MGAT4C: variants seen among roughly 807,000 people sequenced by gnomAD.
MGAT4C encodes the protein alpha-1,3-mannosyl-glycoprotein 4-beta-N-acetylglucosaminyltransferase C.
MGAT4C carries 19 observed loss-of-function variants against 40.1 expected under a neutral mutation model. The observed-to-expected ratio is 0.47, with a 90% CI of 0.33 to 0.70. MGAT4C has a LOEUF of 0.70. Ranked by LOEUF, MGAT4C falls within the 30% of genes least tolerant of loss-of-function variation. The pLI is 0.02. For missense variants in MGAT4C, 491 were observed against 563.2 expected (o/e 0.87, Z 1.30); for synonymous variants, 181 against 187.1 (o/e 0.97, Z 0.27).
At chr12:86,638,856 T>C (rs1009173859) in intron 2 of MGAT4C, among the ~76,000 whole-genome samples, 3 of 151,858 alleles carry the variant, frequency 2.0e-5, no homozygotes, top group Non-Finnish European at 2.9e-5. Context: ...TCTGCACTGC[T>C]GTGAAACTTT....
At chr12:86,180,839 A>G (rs1479446767) in intron 1 of MGAT4C, among the ~76,000 whole-genome samples, 2 of 152,132 alleles carry the variant, frequency 1.3e-5, no homozygotes, top group Admixed American at 6.5e-5. Context: ...TGGACTGTGG[A>G]CTTTTGGGTT....
At chr12:86,802,745 C>T (rs1370207369) in intron 1 of MGAT4C, among the ~76,000 whole-genome samples, 2 of 146,852 alleles carry the variant, frequency 1.4e-5, no homozygotes, top group African/African-American at 5.1e-5. Context: ...CTACAAACCA[C>T]TGCTCAAAGA....
chr12:86,246,444 T>G (rs1171864662), intron 1 of MGAT4C, among the ~76,000 whole-genome samples: 1 of 152,138 alleles, frequency 6.6e-6, no homozygotes, highest in Non-Finnish European at 1.5e-5. Flanking sequence ...GTTTACCATC[T>G]ATAAACATGC....
chr12:86,623,815 T>C (rs944502728), intron 2 of MGAT4C, among the ~76,000 whole-genome samples: 1 of 152,146 alleles, frequency 6.6e-6, no homozygotes, highest in Non-Finnish European at 1.5e-5. Context: ...TTTAGGAAGA[T>C]TGAGCTTTGT....
At chr12:86,448,168 A>G (rs1474846967) in intron 2 of MGAT4C, among the ~76,000 whole-genome samples, 1 of 152,166 alleles carries the variant, frequency 6.6e-6, no homozygotes, top group African/African-American at 2.4e-5. Flanking sequence ...TGGTTCACAC[A>G]GTCTCCCAGA....
intron 2 of MGAT4C, among the ~76,000 whole-genome samples, chr12:86,713,678 AT>A (rs1297237220): frequency 6.6e-6 from 1 of 152,110 alleles, no homozygotes; most frequent in Admixed American, 6.6e-5. Context: ...AGTTTTATAT[AT>A]ATGAGTTCAT....
intron 2 of MGAT4C, among the ~76,000 whole-genome samples, chr12:86,478,435 C>T (rs904344246): frequency 2.0e-5 from 3 of 152,028 alleles, no homozygotes; most frequent in Non-Finnish European, 4.4e-5. Flanking sequence ...ACTGCCAGAG[C>T]GAGGAGAACC....
chr12:86,510,308 A>C (rs569868395), intron 2 of MGAT4C, among the ~76,000 whole-genome samples: 9 of 152,128 alleles, frequency 5.9e-5, no homozygotes, highest in South Asian at 2.1e-4. Context: ...TTTGTCACCA[A>C]CAGGCCTGCT....
At chr12:86,327,442 C>T (rs899336043) in intron 4 of MGAT4C, among the ~76,000 whole-genome samples, 1 of 151,972 alleles carries the variant, frequency 6.6e-6, no homozygotes, top group Non-Finnish European at 1.5e-5. Flanking sequence ...ACCCTGCTAA[C>T]TTTTGCTTGG....
intron 2 of MGAT4C, among the ~76,000 whole-genome samples, chr12:86,581,148 C>T (rs891909380): frequency 2.6e-5 from 4 of 151,336 alleles, no homozygotes; most frequent in African/African-American, 9.7e-5. Flanking sequence ...AGGGTATAAG[C>T]ATAGGAAAGG....
At chr12:86,210,170 C>T (rs839168) in intron 1 of MGAT4C, among the ~76,000 whole-genome samples, 100,043 of 151,994 alleles carry the variant, frequency 0.66, 33,571 homozygotes, top group South Asian at 0.76. Flanking sequence ...CAGATAAATA[C>T]GCTTAAGATA....
chr12:86,564,478 T>G (rs1960001972), intron 2 of MGAT4C, among the ~76,000 whole-genome samples: 1 of 152,190 alleles, frequency 6.6e-6, no homozygotes, highest in Admixed American at 6.5e-5. Context: ...ACTGGTCCAT[T>G]ACATTGATGG....
intron 2 of MGAT4C, among the ~76,000 whole-genome samples, chr12:86,714,766 G>C (rs1408230515): frequency 7.4e-6 from 1 of 135,382 alleles, no homozygotes; most frequent in Non-Finnish European, 1.6e-5. Context: ...GAAAGAGGTG[G>C]AAGGGAAAAA....
chr12:86,224,347 T>C (rs530292893), intron 1 of MGAT4C, among the ~76,000 whole-genome samples: 2 of 152,012 alleles, frequency 1.3e-5, no homozygotes, highest in South Asian at 4.1e-4. Context: ...CTCCATAAAA[T>C]AACAGTAGGG....
At chr12:86,597,939 C>T (rs938725612) in intron 2 of MGAT4C, among the ~76,000 whole-genome samples, 2 of 152,044 alleles carry the variant, frequency 1.3e-5, no homozygotes, top group African/African-American at 2.4e-5. Context: ...AGTGGGCATT[C>T]GAACTTGTTG....
intron 1 of MGAT4C, among the ~76,000 whole-genome samples, chr12:86,189,141 CTG>C (rs1354340323): frequency 6.6e-6 from 1 of 151,784 alleles, no homozygotes; most frequent in Admixed American, 6.6e-5. Context: ...TTGATTTTTA[CTG>C]TCTTTTCCTT....
intron 1 of MGAT4C, among the ~76,000 whole-genome samples, chr12:86,786,885 T>G (rs1951939542): frequency 6.6e-6 from 1 of 152,156 alleles, no homozygotes; most frequent in Non-Finnish European, 1.5e-5. Flanking sequence ...TTTCCACAAC[T>G]TTCAAAATAA....
At chr12:86,405,002 C>G (rs1208435961) in intron 3 of MGAT4C, among the ~76,000 whole-genome samples, 1 of 151,866 alleles carries the variant, frequency 6.6e-6, no homozygotes, top group Non-Finnish European at 1.5e-5. Flanking sequence ...ACTAGATATT[C>G]CATCTCTCAA....
At chr12:86,165,019 T>C (rs1315211242) in intron 1 of MGAT4C, among the ~76,000 whole-genome samples, 1 of 152,146 alleles carries the variant, frequency 6.6e-6, no homozygotes, top group Non-Finnish European at 1.5e-5. Context: ...GAGTAGTCCA[T>C]TCAGGTTTAA....
Sources: gnomAD v4.1 joint callset for allele counts (sites outside exome capture counted in the v4.1 genomes callset) on GRCh38, gnomAD v4.1.1 for gene constraint, MANE v1.5 for transcripts, NCBI Gene and HGNC (gene_info 2026-07-23, HGNC 2026-07-21) for gene names.